Variants in EFCAB13 observed in about 807,000 individuals in gnomAD.
EFCAB13 encodes the protein EF-hand calcium-binding domain-containing protein 13.
EFCAB13 carries 91 observed loss-of-function variants against 110.2 expected under a neutral mutation model. The ratio of observed to expected loss-of-function variants is 0.83; its 90% confidence interval spans 0.70 to 0.98. The LOEUF (loss-of-function observed/expected upper bound fraction) is 0.98. EFCAB13 is among the 50% of genes least tolerant of loss of function. The pLI, the probability that EFCAB13 is intolerant of heterozygous loss-of-function variation, is 0.00. For synonymous variants in EFCAB13, 323 were observed against 369.9 expected (o/e 0.87, Z 1.45); for missense variants, 968 against 1,119.4 (o/e 0.86, Z 1.93).
At chr17:47,420,556 G>A (rs1904629194) in intron 23 of EFCAB13, among the ~76,000 whole-genome samples, 2 of 152,110 alleles carry the variant, frequency 1.3e-5, no homozygotes, top group South Asian at 2.1e-4. Flanking sequence ...GTCTCTGCCC[G>A]GCCGCCCATC....
chr17:47,353,728 T>C (rs1381934463), intron 9 of EFCAB13, among the ~76,000 whole-genome samples: 3 of 152,248 alleles, frequency 2.0e-5, no homozygotes, highest in Non-Finnish European at 4.4e-5. Context: ...AATATGCCTA[T>C]ATATGCAGCA....
intron 4 of EFCAB13, among the ~76,000 whole-genome samples, chr17:47,333,252 G>A (rs137990213): frequency 9.2e-5 from 14 of 152,236 alleles, no homozygotes; most frequent in African/African-American, 3.1e-4. Flanking sequence ...GAGAATGTCT[G>A]TTCAGATCCT....
chr17:47,441,120 T>G lies in EFCAB13; in HGVS notation c.*406T>G, dbSNP rs1363149304. 6.5e-6 allele frequency: 1 copy of G among 153,934 alleles called. No individual in the cohort carries two copies. Among genetic ancestry groups the G allele is most frequent in the East Asian group, 1.9e-4 (1 of 5,234 alleles). 9.5% of individuals were successfully genotyped at this position (153,934 alleles called of 1,614,324 possible). On this transcript the variant is annotated 3_prime_UTR_variant, in exon 25 of 25. Coordinates refer to ENST00000331493, the MANE Select transcript of EFCAB13 (RefSeq NM_152347.5). Reference sequence around the variant, plus strand: ...ATTCTTTGTCCCTCTAGTTTTGCCTTTTGTGGAATATCATGTAAATGATTA... The same window carrying G: ...ATTCTTTGTCCCTCTAGTTTTGCCTGTTGTGGAATATCATGTAAATGATTA...
rs35983484 is a variant in EFCAB13, at chr17:47,324,345, T to G, written c.-317-109T>G. 109,522 of 152,512 alleles carry G rather than the reference T, an allele frequency of 0.72. 39,666 individuals carry two copies. The highest frequency in any genetic ancestry group is 0.81 in the East Asian group (4,185 of 5,170). The allele number at this position is 152,512 out of a possible 1,614,324, so 9.4% of individuals were successfully genotyped here. A position where few individuals can be genotyped will look rare whatever the true frequency, so the allele number is the denominator to read the frequency against. ...AGAAGGCTGGCGGTCCCGGGGGTGG[T>G]GTCACTTCCCTGCTCCTTCAGCGGG... On this transcript the variant is annotated intron_variant, in intron 1 of 24. Coordinates refer to ENST00000331493, the MANE Select transcript of EFCAB13 (RefSeq NM_152347.5).
chr17:47,436,542 T>C (rs912489312), intron 24 of EFCAB13, among the ~76,000 whole-genome samples: 2 of 152,170 alleles, frequency 1.3e-5, no homozygotes. Flanking sequence ...TTCTAGGTTT[T>C]CTGATTTATG....
intron 23 of EFCAB13, among the ~76,000 whole-genome samples, chr17:47,418,320 T>C (rs1904520105): frequency 6.6e-6 from 1 of 152,222 alleles, no homozygotes; most frequent in Admixed American, 6.5e-5. Flanking sequence ...TTTGGCACTA[T>C]TTTCCAGAAT....
rs1391494240 is a variant in EFCAB13, at chr17:47,335,347, A to G, written c.182A>G (p.Tyr61Cys). ...GAAATTAGGAGTTTGAGCCCAGAAT[A>G]TAAAAAAATGTAAGTTAAAAACTCT... ...SPEIRSLSPEYKKIFETSIIF... is the reference protein window; with the variant it reads ...SPEIRSLSPECKKIFETSIIF... The change falls in exon 5 of 25, where the codon TAT (tyrosine) becomes TGT (cysteine). Residue 61 changes from tyrosine (Y) to cysteine (C), a missense_variant. By Grantham distance (194) the Tyr-to-Cys change is radical. Coordinates refer to ENST00000331493, the MANE Select transcript of EFCAB13 (RefSeq NM_152347.5). 1.9e-6 allele frequency: 3 copies of G among 1,584,678 alleles called. No individual in the cohort carries two copies. Among genetic ancestry groups the G allele is most frequent in the East Asian group, 4.5e-5 (2 of 44,650 alleles).
At chr17:47,433,481 C>T (rs895549213) in intron 24 of EFCAB13, among the ~76,000 whole-genome samples, 4 of 151,998 alleles carry the variant, frequency 2.6e-5, no homozygotes, top group African/African-American at 9.7e-5. Context: ...AATTTGGGGA[C>T]GTGTGTTAAA....
At chr17:47,424,833 C>G (rs1167352767) in intron 23 of EFCAB13, among the ~76,000 whole-genome samples, 1 of 148,266 alleles carries the variant, frequency 6.7e-6, no homozygotes, top group Admixed American at 6.7e-5. Flanking sequence ...CAAACCCTTC[C>G]TGGAACTAAT....
intron 20 of EFCAB13, among the ~76,000 whole-genome samples, chr17:47,408,631 G>A (rs11867513): frequency 0.023 from 3,456 of 152,216 alleles, 113 homozygotes; most frequent in East Asian, 0.18. Context: ...CAGTCGGGGC[G>A]ACAGAACAAG....
Position 47,390,914 on chromosome 17 carries a change from G to GTCTTATCTATCTGTCTATCTATCTATCTA in EFCAB13, c.1583-520_1583-519insTATCTATCTGTCTATCTATCTATCTATCT, listed in dbSNP as rs150041083. On this transcript the variant is annotated intron_variant, in intron 14 of 24. Coordinates refer to ENST00000331493, the MANE Select transcript of EFCAB13 (RefSeq NM_152347.5). ...TATATATGTGTATGTGTGTCTGTCTGTCTATCTATCTATCTGTCTATCTAT... is the reference window on the plus strand; with the variant it reads ...TATATATGTGTATGTGTGTCTGTCTGTCTTATCTATCTGTCTATCTATCTATCTATCTATCTATCTATCTGTCTATCTAT... Among the ~76,000 whole-genome samples, 40 of 150,264 alleles carry GTCTTATCTATCTGTCTATCTATCTATCTA rather than the reference G, an allele frequency of 2.7e-4. No individual in the cohort carries two copies. The East Asian group carries it at 3.5e-3, about 13-fold the overall frequency.
Position 47,374,526 on chromosome 17 carries a change from G to C in EFCAB13, c.932G>C (p.Ser311Thr), listed in dbSNP as rs1475953447. 6.4e-7 allele frequency: 1 copy of C among 1,572,554 alleles called. No homozygotes were observed. The highest frequency in any genetic ancestry group is 1.4e-5 in the African/African-American group (1 of 72,464). The part of the protein sequence containing the change: ...NEITSDRKLS[S>T]VAGCYLKYKK... ...ATTACTTCAGACAGAAAGTTATCAA[G>C]TGTAGCAGGATGCTATCTAAAATAT... The change falls in exon 12 of 25, where the codon AGT (serine) becomes ACT (threonine). Residue 311 changes from serine (S) to threonine (T), a missense_variant. Coordinates refer to ENST00000331493, the MANE Select transcript of EFCAB13 (RefSeq NM_152347.5).
intron 17 of EFCAB13, among the ~76,000 whole-genome samples, chr17:47,399,178 G>A (rs2065766007): frequency 6.6e-6 from 1 of 152,106 alleles, no homozygotes; most frequent in Non-Finnish European, 1.5e-5. Context: ...GCCTCCCTAA[G>A]TGCTGGGATT....
chr17:47,433,444 A>G (rs1891816091), intron 24 of EFCAB13, among the ~76,000 whole-genome samples: 1 of 152,160 alleles, frequency 6.6e-6, no homozygotes, highest in Non-Finnish European at 1.5e-5. Flanking sequence ...AAATTAAGCT[A>G]TTCTTCTAGA....
At chr17:47,361,607 GTCCTTTGCTTC>G in intron 10 of EFCAB13, 86 bp downstream of exon 10, 1 of 1,158,702 alleles carries the variant, frequency 8.6e-7, no homozygotes, top group South Asian at 1.8e-5. Flanking sequence ...TTTGTGATCT[GTCCTTTGCTTC>G]TCCTTTTTTC....
intron 5 of EFCAB13, among the ~76,000 whole-genome samples, chr17:47,336,552 A>G (rs574777251): frequency 6.5e-4 from 99 of 151,186 alleles, no homozygotes; most frequent in Non-Finnish European, 6.2e-4. Context: ...CTGCCTCCCA[A>G]AGTGCTGGGA....
At chr17:47,377,550 T>C in intron 12 of EFCAB13, 1 of 299,166 alleles carries the variant, frequency 3.3e-6, no homozygotes, top group Non-Finnish European at 6.1e-6. Context: ...TATAAATGTT[T>C]ATAGAATGTT....
intron 5 of EFCAB13, among the ~76,000 whole-genome samples, chr17:47,338,540 G>A (rs1230704956): frequency 1.3e-5 from 2 of 151,594 alleles, no homozygotes; most frequent in Non-Finnish European, 2.9e-5. Context: ...GAGAGCCACT[G>A]CAGCTGGTTT....
rs1410578183 is a variant in EFCAB13, at chr17:47,374,470, A to G, written c.878-2A>G. On this transcript the variant is annotated splice_acceptor_variant, in intron 11 of 24. Transcript: ENST00000331493. LOFTEE classifies it high-confidence loss of function. ...AAATAATTGTATATTTCTCTTATTT[A>G]GCAATTACAGAAGGATCACCTTTGA... 1 of 1,483,364 alleles carries G rather than the reference A, an allele frequency of 6.7e-7. No homozygotes were observed. Among genetic ancestry groups the G allele is most frequent in the African/African-American group, 1.4e-5 (1 of 70,294 alleles). 91.9% of individuals were successfully genotyped at this position (1,483,364 alleles called of 1,614,324 possible). A position where few individuals can be genotyped will look rare whatever the true frequency, so the allele number is the denominator to read the frequency against.
Sources: gnomAD v4.1 joint callset for allele counts (sites outside exome capture counted in the v4.1 genomes callset) on GRCh38, gnomAD v4.1.1 for gene constraint, MANE v1.5 for transcripts, NCBI Gene and HGNC (gene_info 2026-07-23, HGNC 2026-07-21) for gene names.